PVT1: variants seen among roughly 807,000 people sequenced by gnomAD.
The protein encoded by PVT1 is Pvt1 oncogene.
At chr8:128,005,369 T>C (rs1023810221) in intron 4 of PVT1, among the ~76,000 whole-genome samples, 1 of 152,224 alleles carries the variant, frequency 6.6e-6, no homozygotes, top group African/African-American at 2.4e-5. Context: ...TGGACACCCC[T>C]GTCTTAGACT....
chr8:127,863,177 T>C (rs1815248032), intron 2 of PVT1, among the ~76,000 whole-genome samples: 1 of 152,030 alleles, frequency 6.6e-6, no homozygotes, highest in Admixed American at 6.6e-5. Flanking sequence ...AGTGGCATGA[T>C]CTCGGCTCAC....
rs962654907 is a variant in PVT1, at chr8:128,067,085, A to T, written n.913-3075A>T. On this transcript the variant is annotated intron_variant and non_coding_transcript_variant, in intron 4 of 10. Coordinates refer to ENST00000651587, the Ensembl canonical transcript of PVT1. Reference sequence around the variant, plus strand: ...AGCCACAGTGACCCTGCTCTCCTGAACCCAGACCACACAGTGCCCACACTC... The same window carrying T: ...AGCCACAGTGACCCTGCTCTCCTGATCCCAGACCACACAGTGCCCACACTC... 2.0e-5 allele frequency among the ~76,000 whole-genome samples: 3 copies of T among 152,168 alleles called. No individual in the cohort carries two copies. The East Asian group carries it at 5.8e-4, about 29-fold the overall frequency.
At chr8:127,833,427 A>G (rs1408478262) in intron 2 of PVT1, among the ~76,000 whole-genome samples, 5 of 150,368 alleles carry the variant, frequency 3.3e-5, no homozygotes, top group African/African-American at 1.2e-4. Context: ...CATCAATCCC[A>G]TGGACAGAGT....
Position 127,906,542 on chromosome 8 carries a change from C to T in PVT1, n.782+15544C>T, listed in dbSNP as rs568285278. ...AGCAGATTGTAACTCTTTGGTGTGA[C>T]GAATGGGTGAGAAGTTGCTTAAAGG... On this transcript the variant is annotated intron_variant and non_coding_transcript_variant, in intron 3 of 10. Coordinates refer to ENST00000651587, the Ensembl canonical transcript of PVT1. Among the ~76,000 whole-genome samples, 88 of 152,178 alleles carry T rather than the reference C, an allele frequency of 5.8e-4. 1 individual carries two copies. Among genetic ancestry groups the T allele is most frequent in the African/African-American group, 2.0e-3 (84 of 41,520 alleles).
chr8:127,797,697 G>T (rs947361320), intron 2 of PVT1, among the ~76,000 whole-genome samples: 3 of 152,140 alleles, frequency 2.0e-5, no homozygotes, highest in Non-Finnish European at 4.4e-5. Flanking sequence ...TGTTTATCAC[G>T]CAAAGCATGT....
intron 2 of PVT1, among the ~76,000 whole-genome samples, chr8:127,858,504 T>G (rs1247655700): frequency 6.6e-6 from 1 of 151,992 alleles, no homozygotes; most frequent in East Asian, 1.9e-4. Context: ...AGAATGCATG[T>G]GAGTGATATG....
chr8:127,848,401 T>G (rs139345193), intron 2 of PVT1, among the ~76,000 whole-genome samples: 417 of 151,786 alleles, frequency 2.7e-3, no homozygotes, highest in African/African-American at 9.7e-3. Flanking sequence ...ACCACAAATT[T>G]GGCTGGGCGC....
intron 3 of PVT1, among the ~76,000 whole-genome samples, chr8:127,892,094 T>A (rs1815617610): frequency 6.6e-6 from 1 of 152,196 alleles, no homozygotes; most frequent in South Asian, 2.1e-4. Context: ...AAGACCACAG[T>A]TGGGGCGGGG....
chr8:127,880,676 T>A (rs1481480875), intron 2 of PVT1, among the ~76,000 whole-genome samples: 1 of 149,382 alleles, frequency 6.7e-6, no homozygotes, highest in African/African-American at 2.5e-5. Context: ...TCACTGCTCA[T>A]TGCAACTTCC....
intron 2 of PVT1, among the ~76,000 whole-genome samples, chr8:127,885,293 A>G (rs1355532544): frequency 1.3e-5 from 2 of 152,192 alleles, no homozygotes; most frequent in Non-Finnish European, 2.9e-5. Context: ...ATATGTGCCC[A>G]GCAACATGCT....
At chr8:128,014,122 C>T (rs151293689) in intron 4 of PVT1, among the ~76,000 whole-genome samples, 1 of 152,166 alleles carries the variant, frequency 6.6e-6, no homozygotes, top group African/African-American at 2.4e-5. Flanking sequence ...GTGTCTCTCA[C>T]GAAGCTCTGT....
intron 3 of PVT1, among the ~76,000 whole-genome samples, chr8:127,972,710 C>T (rs1206419642): frequency 3.3e-5 from 5 of 151,960 alleles, no homozygotes; most frequent in Admixed American, 6.6e-5. Flanking sequence ...TTGCACTCTA[C>T]CCTGGGCAAC....
intron 3 of PVT1, among the ~76,000 whole-genome samples, chr8:127,988,526 T>C (rs923377482): frequency 1.1e-4 from 16 of 152,218 alleles, no homozygotes; most frequent in African/African-American, 3.9e-4. Context: ...GTCCCACCCC[T>C]TTTGACCACC....
chr8:127,980,126 C>T (rs1416293527), intron 3 of PVT1, among the ~76,000 whole-genome samples: 1 of 152,158 alleles, frequency 6.6e-6, no homozygotes, highest in African/African-American at 2.4e-5. Context: ...AAGCGATCTT[C>T]CTGCCTCGAC....
intron 2 of PVT1, among the ~76,000 whole-genome samples, chr8:127,815,577 C>T (rs1040686009): frequency 6.6e-6 from 1 of 152,116 alleles, no homozygotes; most frequent in Non-Finnish European, 1.5e-5. Context: ...GCTGCTTTTC[C>T]ACTTTGCAAA....
rs57575268 is a variant in PVT1, at chr8:127,826,014, C to CT, written n.372+29965dup. Among the ~76,000 whole-genome samples the CT allele has an allele frequency of 3.8e-3, 338 of 89,670 alleles. 8 individuals are homozygous for CT. The highest frequency in any genetic ancestry group is 7.0e-3 in the East Asian group (23 of 3,268). 58.8% of individuals were successfully genotyped at this position (89,670 alleles called of 152,430 possible). ...TACAGGAGTGTGCCACCATGCCCAG[C>CT]TTTTTTTTTTTTTTTTTTTTTTGAT... On this transcript the variant is annotated intron_variant and non_coding_transcript_variant, in intron 2 of 10. Transcript: ENST00000651587.
At chr8:128,048,166 C>T (rs897845002) in intron 4 of PVT1, among the ~76,000 whole-genome samples, 2 of 152,204 alleles carry the variant, frequency 1.3e-5, no homozygotes, top group African/African-American at 2.4e-5. Context: ...AGAAGACAGA[C>T]GATCCATGAA....
At chr8:128,085,822 G>A (rs1371452299) in intron 5 of PVT1, among the ~76,000 whole-genome samples, 2 of 152,156 alleles carry the variant, frequency 1.3e-5, no homozygotes, top group Non-Finnish European at 2.9e-5. Flanking sequence ...ATTAACATAA[G>A]CACCTAGCTA....
At chr8:127,879,627 T>C (rs1193660267) in intron 2 of PVT1, among the ~76,000 whole-genome samples, 2 of 152,268 alleles carry the variant, frequency 1.3e-5, no homozygotes, top group African/African-American at 4.8e-5. Flanking sequence ...TGCTGACTCC[T>C]GCATGGCTTG....
Sources: gnomAD v4.1 joint callset for allele counts (sites outside exome capture counted in the v4.1 genomes callset) on GRCh38, gnomAD v4.1.1 for gene constraint, MANE v1.5 for transcripts, NCBI Gene and HGNC (gene_info 2026-07-23, HGNC 2026-07-21) for gene names.